Variants in RANGAP1 observed in about 807,000 individuals in gnomAD.
The protein encoded by RANGAP1 is Ran GTPase activating protein 1, also known as ran GTPase-activating protein 1.
Under a neutral mutation model 63.5 loss-of-function variants are expected in RANGAP1, and 38 were observed. That is an observed-to-expected ratio of 0.60 (90% CI 0.46 to 0.78). The LOEUF (loss-of-function observed/expected upper bound fraction) is 0.78. Ranked by LOEUF, RANGAP1 falls within the 30% of genes least tolerant of loss-of-function variation. The probability of loss-of-function intolerance (pLI) is 0.00; values close to 1 mark genes in which losing one functional copy is unlikely to be tolerated. For synonymous variants in RANGAP1, 329 were observed against 310.5 expected, an observed-to-expected ratio of 1.06 and a Z score of -0.63; for missense variants, 630 against 740.3, an observed-to-expected ratio of 0.85 and a Z score of 1.73.
chr22:41,287,459 A>G (rs1431855118), upstream of RANGAP1, among the ~76,000 whole-genome samples: 1 of 148,542 alleles, frequency 6.7e-6, no homozygotes, highest in East Asian at 2.0e-4. Context: ...TAGGCGAGAG[A>G]GTGTGAGACC....
intron 10 of RANGAP1, among the ~76,000 whole-genome samples, chr22:41,254,975 C>CA (rs1262300447): frequency 3.5e-5 from 4 of 114,138 alleles, no homozygotes; most frequent in Admixed American, 1.1e-4. Flanking sequence ...CCATCCCCCA[C>CA]AAAAAAACAA....
chr22:41,275,353 G>A (rs2035071453), intron 2 of RANGAP1, among the ~76,000 whole-genome samples: 2 of 152,008 alleles, frequency 1.3e-5, no homozygotes, highest in Non-Finnish European at 2.9e-5. Flanking sequence ...TTAGCTGGGC[G>A]TGGTGGTGGG....
chr22:41,279,466 T>C (rs1272103156), intron 2 of RANGAP1, among the ~76,000 whole-genome samples: 1 of 144,880 alleles, frequency 6.9e-6, no homozygotes, highest in Non-Finnish European at 1.5e-5. Context: ...CACGACTCCA[T>C]CTCAAAAAAA....
chr22:41,299,093 C>T, the RANGAP1 span, among the ~76,000 whole-genome samples: 3 of 152,210 alleles, frequency 2.0e-5, no homozygotes, highest in African/African-American at 7.2e-5. Context: ...AAAGGCCCCA[C>T]CTCCTAATAC....
At chr22:41,287,446 T>TTA (rs1200411572), upstream of RANGAP1, among the ~76,000 whole-genome samples, 5 of 150,926 alleles carry the variant, frequency 3.3e-5, no homozygotes, top group African/African-American at 1.2e-4. Context: ...AGTGTTGGGA[T>TTA]TATAGGCGAG....
At position 41,250,351 on chromosome 22, in the gene RANGAP1, C is replaced by T. The variant is rs918168808; in HGVS notation, c.1484-534G>A. 1.5e-4 allele frequency among the ~76,000 whole-genome samples: 23 copies of T among 152,330 alleles called. 1 individual carries two copies. The highest frequency in any genetic ancestry group is 1.3e-3 in the Admixed American group (20 of 15,306). On this transcript the variant is annotated intron_variant, in intron 13 of 15. Coordinates refer to ENST00000356244, the MANE Select transcript of RANGAP1 (RefSeq NM_002883.4). ...TTCGACGCCACGCCGGGAAGAGGCA[C>T]CACATGTCCTTCCACCCCTTTCTAT...
chr22:41,268,561 A>G (rs1468478318), intron 3 of RANGAP1, among the ~76,000 whole-genome samples: 4 of 151,662 alleles, frequency 2.6e-5, no homozygotes, highest in Non-Finnish European at 4.4e-5. Flanking sequence ...GGCCCCCAAG[A>G]CTTAACTTGA....
the RANGAP1 span, among the ~76,000 whole-genome samples, chr22:41,291,421 C>A: frequency 1.3e-5 from 2 of 150,996 alleles, no homozygotes; most frequent in African/African-American, 2.4e-5. Flanking sequence ...TATGGTGAAA[C>A]CCTGTCTCTA....
chr22:41,247,259 G>T (rs1185983524), intron 15 of RANGAP1, among the ~76,000 whole-genome samples: 1 of 152,064 alleles, frequency 6.6e-6, no homozygotes, highest in African/African-American at 2.4e-5. Flanking sequence ...GTTTCACCAT[G>T]TTAGCCAGGA....
chr22:41,294,726 C>G, the RANGAP1 span, among the ~76,000 whole-genome samples: 1 of 140,892 alleles, frequency 7.1e-6, no homozygotes, highest in Admixed American at 7.1e-5. Flanking sequence ...ATGTGAGGAG[C>G]GTCTCTGCCC....
intron 3 of RANGAP1, among the ~76,000 whole-genome samples, chr22:41,271,222 A>AT (rs1170724886): frequency 1.3e-5 from 2 of 150,222 alleles, no homozygotes; most frequent in Non-Finnish European, 3.0e-5. Flanking sequence ...AGACCCCATC[A>AT]TTAAAAAAAA....
the RANGAP1 span, among the ~76,000 whole-genome samples, chr22:41,297,067 G>A: frequency 4.6e-5 from 7 of 152,264 alleles, no homozygotes; most frequent in South Asian, 4.1e-4. Context: ...AACATTAGCC[G>A]GGTGTGGTGG....
intron 11 of RANGAP1, among the ~76,000 whole-genome samples, chr22:41,253,467 G>A (rs1185159279): frequency 6.6e-6 from 1 of 152,214 alleles, no homozygotes; most frequent in Non-Finnish European, 1.5e-5. Flanking sequence ...TAAGCATGGG[G>A]AGTCCTTGTC....
chr22:41,265,403 T>G, intron 4 of RANGAP1, among the ~76,000 whole-genome samples: 1 of 151,976 alleles, frequency 6.6e-6, no homozygotes, highest in East Asian at 1.9e-4. Context: ...GGGGCTGGAG[T>G]GCCCACCCAG....
At chr22:41,293,522 G>A in the RANGAP1 span, among the ~76,000 whole-genome samples, 4 of 152,042 alleles carry the variant, frequency 2.6e-5, no homozygotes, top group African/African-American at 7.2e-5. Flanking sequence ...CCTCACGCCT[G>A]TAATCCCAGC....
chr22:41,291,887 C>A, the RANGAP1 span, among the ~76,000 whole-genome samples: 1 of 151,274 alleles, frequency 6.6e-6, no homozygotes, highest in African/African-American at 2.4e-5. Context: ...GGCGACAGAG[C>A]GAGACTCTGT....
chr22:41,260,912 C>T (rs2034128855), intron 6 of RANGAP1, among the ~76,000 whole-genome samples: 1 of 152,212 alleles, frequency 6.6e-6, no homozygotes, highest in Non-Finnish European at 1.5e-5. Context: ...CAAGTGTAGC[C>T]TTCTGCTGGC....
intron 2 of RANGAP1, among the ~76,000 whole-genome samples, chr22:41,278,319 G>A (rs548372093): frequency 5.3e-5 from 8 of 152,248 alleles, no homozygotes; most frequent in Admixed American, 2.0e-4. Context: ...GATTACAGGC[G>A]TGAGCCACCG....
the RANGAP1 span, among the ~76,000 whole-genome samples, chr22:41,295,188 C>G: frequency 6.6e-6 from 1 of 150,990 alleles, no homozygotes; most frequent in African/African-American, 2.4e-5. Flanking sequence ...ACCACCCCGT[C>G]TGGGAGGTGT....
Sources: allele counts gnomAD v4.1 joint callset (sites outside exome capture counted in the v4.1 genomes callset), GRCh38; gene constraint gnomAD v4.1.1; transcripts MANE v1.5; gene names NCBI Gene and HGNC (gene_info 2026-07-23, HGNC 2026-07-21).